Variants in SIAE observed in about 807,000 individuals in gnomAD.
SIAE encodes sialate O-acetylesterase.
A neutral mutation model predicts 52.6 loss-of-function variants in SIAE; 39 were observed. The observed-to-expected ratio is 0.74, with a 90% CI of 0.57 to 0.97. The LOEUF (loss-of-function observed/expected upper bound fraction) is 0.97, where lower values mean the gene tolerates loss of function less well. Among genes scored for constraint, SIAE ranks in the 50% least tolerant of loss-of-function variants. SIAE has a pLI of 0.00. For synonymous variants in SIAE, 233 were observed against 241.4 expected, an observed-to-expected ratio of 0.97 and a Z score of 0.32; for missense variants, 592 against 662.1, an observed-to-expected ratio of 0.89 and a Z score of 1.16.
rs1942710517 is a variant in SIAE, at chr11:124,635,521, C to T, written c.*1430G>A. 1 of 152,044 alleles carries T rather than the reference C, an allele frequency of 6.6e-6. No homozygotes were observed. Among genetic ancestry groups the T allele is most frequent in the Non-Finnish European group, 1.5e-5 (1 of 67,988 alleles). 9.4% of individuals were successfully genotyped at this position (152,044 alleles called of 1,614,324 possible). A position where few individuals can be genotyped will look rare whatever the true frequency, so the allele number is the denominator to read the frequency against. On this transcript the variant is annotated 3_prime_UTR_variant, in exon 10 of 10. Coordinates refer to ENST00000263593, the MANE Select transcript of SIAE (RefSeq NM_170601.5). ...TTCATTTTCACACAGTAAAAAGTTC[C>T]TAAATTGGGGGAAACATAGTGAATT...
At chr11:124,653,809 G>A (rs902440932) in intron 4 of SIAE, among the ~76,000 whole-genome samples, 10 of 152,234 alleles carry the variant, frequency 6.6e-5, no homozygotes, top group African/African-American at 2.4e-4. Context: ...TAAGCTCAGA[G>A]AGCAGGGACT....
rs745368477 is a variant in SIAE, at chr11:124,654,806, T to G, written c.406-13A>C. On this transcript the variant is annotated splice_polypyrimidine_tract_variant and intron_variant, in intron 3 of 9. Transcript: ENST00000263593. Reference sequence around the variant, plus strand: ...TAGCATTAAATATCTGGAAAAGAAATTGAAACGTCATTTAACCTAGCAGGT... The same window carrying G: ...TAGCATTAAATATCTGGAAAAGAAAGTGAAACGTCATTTAACCTAGCAGGT... 7.4e-6 allele frequency: 12 copies of G among 1,612,744 alleles called. No homozygotes were observed. The East Asian group carries it at 2.5e-4, about 33-fold the overall frequency.
At chr11:124,647,683 G>A (rs139950100) in intron 6 of SIAE, among the ~76,000 whole-genome samples, 185 bp from the exon 7 acceptor site, 119 of 152,152 alleles carry the variant, frequency 7.8e-4, no homozygotes, top group African/African-American at 2.7e-3. Flanking sequence ...AGTACTTCAG[G>A]TTTGGGCTCT....
chr11:124,647,571 C>T, intron 6 of SIAE, 73 bp from the exon 7 acceptor site: 10 of 1,562,160 alleles, frequency 6.4e-6, no homozygotes, highest in South Asian at 3.4e-5. Context: ...TCTCCTCCCT[C>T]CATCCATGCC....
At chr11:124,641,803 A>G (rs772369474) in intron 7 of SIAE, among the ~76,000 whole-genome samples, 2 of 152,026 alleles carry the variant, frequency 1.3e-5, no homozygotes, top group Non-Finnish European at 2.9e-5. Context: ...TACTAACAAT[A>G]CAAAAAATTA....
intron 2 of SIAE, among the ~76,000 whole-genome samples, chr11:124,667,012 G>A (rs913097903): frequency 5.3e-5 from 8 of 152,122 alleles, no homozygotes; most frequent in African/African-American, 1.9e-4. Context: ...AATGCAAAAG[G>A]ATTTTTTAAA....
rs766546682 is a variant in SIAE at position 124,648,131 on chromosome 11, A to G, written c.767T>C (p.Val256Ala). Residue 256 changes from valine (V) to alanine (A), a missense_variant, in exon 6 of 10, where the codon GTT (valine) becomes GCT (alanine). Val to Ala is a moderately conservative substitution (Grantham distance 64). Coordinates refer to ENST00000263593, the MANE Select transcript of SIAE (RefSeq NM_170601.5). ...DSVTGPSKHS[V>A]LWNAMIHPLC... ...TGGATGGATCATGGCATTCCAGAGA[A>G]CAGAGTGCTTACTGGGACCAGTTAC... 6.2e-7 allele frequency: 1 copy of G among 1,614,128 alleles called. No individual in the cohort carries two copies. The highest frequency in any genetic ancestry group is 8.5e-7 in the Non-Finnish European group (1 of 1,179,966).
chr11:124,658,232 GTGTC>G (rs2134379005), intron 3 of SIAE, among the ~76,000 whole-genome samples: 1 of 148,216 alleles, frequency 6.7e-6, no homozygotes, highest in South Asian at 2.1e-4. Context: ...GTGTGAGTGT[GTGTC>G]TGTGCACACA....
chr11:124,675,411 AAG>A (rs1565422081), upstream of SIAE: 2 of 1,607,888 alleles, frequency 1.2e-6, no homozygotes, highest in Admixed American at 1.7e-5. Flanking sequence ...TTCTAGAGAA[AAG>A]AGAGAGTAAG....
At chr11:124,657,218 T>G (rs559817828) in intron 3 of SIAE, among the ~76,000 whole-genome samples, 4 of 152,210 alleles carry the variant, frequency 2.6e-5, no homozygotes, top group Non-Finnish European at 5.9e-5. Flanking sequence ...AATCCAGACC[T>G]GTTTGTTCAG....
chr11:124,654,825 A>G (rs1228451555), intron 3 of SIAE, 32 bp from the exon 4 acceptor site: 5 of 1,612,142 alleles, frequency 3.1e-6, no homozygotes, highest in Non-Finnish European at 4.2e-6. Context: ...CATTTAACCT[A>G]GCAGGTGGTG....
Position 124,638,669 on chromosome 11 carries a change from C to T in SIAE, c.1193G>A (p.Gly398Asp). The part of the protein sequence containing the change: ...LHLGARALAY[G>D]EKNLTFEGPL... ...TCCTTCAAAGGTCAAATTCTTCTCA[C>T]CATAAGCCAGAGCACGGGCCCCCAA... The change falls in exon 9 of 10, where the codon GGT becomes GAT. Residue 398 changes from glycine (G) to aspartate (D), a missense_variant. Physicochemically the swap from Gly to Asp is moderately conservative, Grantham distance 94. Transcript: ENST00000263593. The T allele has an allele frequency of 6.2e-7, 1 of 1,614,144 alleles. No individual in the cohort carries two copies. Among genetic ancestry groups the T allele is most frequent in the South Asian group, 1.1e-5 (1 of 91,078 alleles).
intron 2 of SIAE, among the ~76,000 whole-genome samples, chr11:124,666,221 G>A (rs1280624310): frequency 6.6e-6 from 1 of 152,106 alleles, no homozygotes; most frequent in Non-Finnish European, 1.5e-5. Context: ...GGGTACCTAG[G>A]GGACTATGGG....
upstream of SIAE, chr11:124,675,667 G>A (rs2134404616): frequency 1.4e-5 from 5 of 348,142 alleles, no homozygotes; most frequent in South Asian, 7.3e-5. Context: ...GACATACAGC[G>A]TGGAAGGTAA....
At chr11:124,660,581 T>C (rs1943171479) in intron 3 of SIAE, 47 bp downstream of exon 3, 1 of 1,604,390 alleles carries the variant, frequency 6.2e-7, no homozygotes, top group African/African-American at 1.3e-5. Context: ...TTCTTTTCCT[T>C]CTTCATCACC....
chr11:124,660,458 G>T (rs986298465), intron 3 of SIAE, 170 bp downstream of exon 3: 1 of 717,826 alleles, frequency 1.4e-6, no homozygotes, highest in East Asian at 2.7e-5. Context: ...TATCTCTTAA[G>T]ATTGTTAAGT....
chr11:124,664,623 C>A (rs571275173), intron 2 of SIAE, among the ~76,000 whole-genome samples: 3 of 152,104 alleles, frequency 2.0e-5, no homozygotes, highest in Admixed American at 6.5e-5. Flanking sequence ...CTCTCCACCT[C>A]CCAATTAACT....
upstream of SIAE, chr11:124,676,162 A>T (rs559221097): frequency 8.5e-5 from 13 of 152,248 alleles, no homozygotes; most frequent in East Asian, 3.9e-4. Flanking sequence ...AACCTATCCT[A>T]AGCCAGGCAT....
chr11:124,658,786 C>CGT (rs1161118039), intron 3 of SIAE: 6 of 151,392 alleles, frequency 4.0e-5, no homozygotes, highest in African/African-American at 1.5e-4. Flanking sequence ...GAGAAAGACT[C>CGT]GTGTGTGTAT....
Sources: gnomAD v4.1 joint callset for allele counts (sites outside exome capture counted in the v4.1 genomes callset) on GRCh38, gnomAD v4.1.1 for gene constraint, MANE v1.5 for transcripts, NCBI Gene and HGNC (gene_info 2026-07-23, HGNC 2026-07-21) for gene names.